PGRMC1: variants seen among roughly 807,000 people sequenced by gnomAD.
PGRMC1 encodes the protein membrane-associated progesterone receptor component 1.
For synonymous variants in PGRMC1, 73 were observed against 77.3 expected (o/e 0.94, Z 0.29); for missense variants, 145 against 169.0 (o/e 0.86, Z 0.79).
At chrX:119,238,522 CAT>C (rs773664252) in intron 1 of PGRMC1, among the ~76,000 whole-genome samples, 2 of 112,235 alleles carry the variant, frequency 1.8e-5, no homozygotes, top group African/African-American at 3.2e-5. Context: ...GGAGTGAAAA[CAT>C]GTGCATGAGG....
At position 119,236,336 on chromosome X, in the gene PGRMC1, G is replaced by C. The variant is rs756946986; in HGVS notation, c.-28G>C. ...GTGGCGAGTTCCGGATCCCTGCCTA[G>C]CGCGGCCCAACCTTTACTCCAGAGA... is the stretch of plus-strand genomic sequence containing the variant. On this transcript the variant is annotated 5_prime_UTR_variant, in exon 1 of 3. Transcript: ENST00000217971. The C allele has an allele frequency of 7.2e-5, 85 of 1,178,677 alleles. No homozygotes were observed. The Admixed American group carries it at 1.8e-3, about 25-fold the overall frequency.
At position 119,243,242 on chromosome X, in the gene PGRMC1, G is replaced by GA; in HGVS notation, c.581dup (p.Asn194LysfsTer2). ...AAGAACCAAAAGATGAGAGTGCCCG[G>GA]AAAAATGATTAAAGCATTCAGTGGA... On this transcript the variant is annotated frameshift_variant, in exon 3 of 3. Transcript: ENST00000217971. LOFTEE classifies it high-confidence loss of function. 8.6e-7 allele frequency: 1 copy of GA among 1,168,545 alleles called. No individual in the cohort carries two copies. The highest frequency in any genetic ancestry group is 1.2e-6 in the Non-Finnish European group (1 of 856,014).
intron 1 of PGRMC1, among the ~76,000 whole-genome samples, chrX:119,238,159 T>C (rs768727815): frequency 9.0e-6 from 1 of 111,613 alleles, no homozygotes; most frequent in South Asian, 3.8e-4. Context: ...CAAAATCAGA[T>C]GTGTTAAGGT....
intron 1 of PGRMC1, among the ~76,000 whole-genome samples, chrX:119,237,865 G>A (rs1257202623): frequency 9.0e-6 from 1 of 111,110 alleles, no homozygotes; most frequent in African/African-American, 3.3e-5. Context: ...CAGTCTAACC[G>A]CCAGAGCTGC....
chrX:119,240,367 C>T lies in PGRMC1; in HGVS notation c.387C>T (p.Cys129=), dbSNP rs754826242. Residue 129 remains cysteine, a synonymous_variant, in exon 2 of 3, where the codon TGC becomes TGT. Transcript: ENST00000217971. Reference sequence around the variant, plus strand: ...CATCCAGGGGCCTTGCCACATTTTGCCTGGATAAGGAAGCACTGAAGGATG... The same window carrying T: ...CATCCAGGGGCCTTGCCACATTTTGTCTGGATAAGGAAGCACTGAAGGATG... ...RDASRGLATF[C]LDKEALKDEY... The T allele has an allele frequency of 1.7e-6, 2 of 1,208,929 alleles. No homozygotes were observed. Among genetic ancestry groups the T allele is most frequent in the Non-Finnish European group, 1.1e-6 (1 of 893,112 alleles).
intron 2 of PGRMC1, among the ~76,000 whole-genome samples, chrX:119,242,127 C>A (rs1398487258): frequency 9.0e-6 from 1 of 111,253 alleles, no homozygotes; most frequent in Non-Finnish European, 1.9e-5. Context: ...TTCATTTCCT[C>A]TCTATACCTT....
Position 119,243,401 on chromosome X carries a change from A to G in PGRMC1, c.*147A>G. On this transcript the variant is annotated 3_prime_UTR_variant, in exon 3 of 3. Coordinates refer to ENST00000217971, the MANE Select transcript of PGRMC1 (RefSeq NM_006667.5). ...TTAATTAACATCACTAGTGACACTA[A>G]TAAAATTAACTTCTTAGAATGCATG... is the stretch of plus-strand genomic sequence containing the variant. The G allele has an allele frequency of 2.1e-6, 1 of 483,309 alleles. No homozygotes were observed. Among genetic ancestry groups the G allele is most frequent in the East Asian group, 3.7e-5 (1 of 27,028 alleles). The allele number at this position is 483,309 out of a possible 1,213,427, so 39.8% of individuals were successfully genotyped here.
chrX:119,243,790 G>T lies in PGRMC1; in HGVS notation c.*536G>T, dbSNP rs774728252. ...TGAAATCTCAAAACAGAGCTCAGCT[G>T]CAAAAAAGCATATTTTCTGTGTTTC... On this transcript the variant is annotated 3_prime_UTR_variant, in exon 3 of 3. Transcript: ENST00000217971. The T allele has an allele frequency of 1.3e-4, 16 of 122,911 alleles. No homozygotes were observed. The South Asian group carries it at 4.5e-3, about 35-fold the overall frequency. 10.1% of individuals were successfully genotyped at this position (122,911 alleles called of 1,213,427 possible). A position where few individuals can be genotyped will look rare whatever the true frequency, so the allele number is the denominator to read the frequency against.
intron 2 of PGRMC1, 107 bp downstream of exon 2, chrX:119,240,571 T>C: frequency 1.6e-6 from 1 of 627,239 alleles, no homozygotes; most frequent in South Asian, 2.5e-5. Context: ...TGCATTTTGA[T>C]AGGCTCCTTA....
At position 119,236,489 on chromosome X, in the gene PGRMC1, C is replaced by T. The variant is rs1357909353; in HGVS notation, c.126C>T (p.Leu42=). The change falls in exon 1 of 3, where the codon CTC becomes CTT. Residue 42 remains leucine, a synonymous_variant. Transcript: ENST00000217971. ...LLLLGLCIFL[L]YKIVRGDQPA... is the part of the protein sequence containing the mutation. ...TGCTTGGCCTCTGCATCTTCCTGCTCTACAAGATCGTGCGCGGGGACCAGC... is the reference window on the plus strand; with the variant it reads ...TGCTTGGCCTCTGCATCTTCCTGCTTTACAAGATCGTGCGCGGGGACCAGC... The T allele has an allele frequency of 1.7e-6, 2 of 1,210,851 alleles. No homozygotes were observed. Among genetic ancestry groups the T allele is most frequent in the Admixed American group, 4.3e-5 (2 of 46,074 alleles).
chrX:119,238,710 A>C (rs139146632), intron 1 of PGRMC1, among the ~76,000 whole-genome samples: 218 of 112,037 alleles, frequency 1.9e-3, no homozygotes, highest in African/African-American at 6.6e-3. Context: ...AAAAGTGATA[A>C]AGATGGCCTA....
In PGRMC1 at chrX:119,236,690, C is replaced by T. The variant is rs1930706579; in HGVS notation, c.327C>T (p.Pro109=). 2 of 1,180,576 alleles carry T rather than the reference C, an allele frequency of 1.7e-6. No individual in the cohort carries two copies. Among genetic ancestry groups the T allele is most frequent in the Non-Finnish European group, 2.3e-6 (2 of 879,001 alleles). The change falls in exon 1 of 3, where the codon CCC becomes CCT. Residue 109 remains proline, a splice_region_variant and synonymous_variant. Transcript: ENST00000217971. Reference sequence around the variant, plus strand: ...CCAAAGGCCGCAAATTCTACGGGCCCGGTACGCGGCCGGCGAGGGGGGCTT... The same window carrying T: ...CCAAAGGCCGCAAATTCTACGGGCCTGGTACGCGGCCGGCGAGGGGGGCTT... ...DVTKGRKFYG[P]EGPYGVFAGR...
At chrX:119,240,543 A>G (rs1930794735) in intron 2 of PGRMC1, 79 bp downstream of exon 2, 1 of 851,177 alleles carries the variant, frequency 1.2e-6, no homozygotes, top group South Asian at 2.1e-5. Flanking sequence ...GTTATTACTA[A>G]GCAGCCTGAA....
At position 119,240,005 on chromosome X, in the gene PGRMC1, A is replaced by G. The variant is rs41294898; in HGVS notation, c.329-304A>G. Among the ~76,000 whole-genome samples, 60 of 112,108 alleles carry G rather than the reference A, an allele frequency of 5.4e-4. No homozygotes were observed. The East Asian group carries it at 0.016, about 29-fold the overall frequency. Reference sequence around the variant, plus strand: ...CAATGTTCTTGTATGATTCCCTACTACCACTACCCCAAGAGATCACTAACC... The same window carrying G: ...CAATGTTCTTGTATGATTCCCTACTGCCACTACCCCAAGAGATCACTAACC... On this transcript the variant is annotated intron_variant, in intron 1 of 2. Coordinates refer to ENST00000217971, the MANE Select transcript of PGRMC1 (RefSeq NM_006667.5).
In PGRMC1 at chrX:119,243,244, A is replaced by G. The variant is rs769358829; in HGVS notation, c.578A>G (p.Lys193Arg). The G allele has an allele frequency of 6.9e-6, 8 of 1,156,135 alleles. No individual in the cohort carries two copies. Among genetic ancestry groups the G allele is most frequent in the Non-Finnish European group, 9.5e-6 (8 of 844,553 alleles). ...GAACCAAAAGATGAGAGTGCCCGGAAAAATGATTAAAGCATTCAGTGGAAG... is the reference window on the plus strand; with the variant it reads ...GAACCAAAAGATGAGAGTGCCCGGAGAAATGATTAAAGCATTCAGTGGAAG... The part of the protein sequence containing the change: ...EEEPKDESAR[K>R]ND Residue 193 changes from lysine to arginine, a missense_variant, in exon 3 of 3, where the codon AAA (lysine) becomes AGA (arginine). Coordinates refer to ENST00000217971, the MANE Select transcript of PGRMC1 (RefSeq NM_006667.5).
chrX:119,240,591 G>A (rs1021571645), intron 2 of PGRMC1, 127 bp downstream of exon 2: 9 of 527,126 alleles, frequency 1.7e-5, no homozygotes, highest in South Asian at 1.5e-4. Flanking sequence ...AATCTTGGAC[G>A]CATCAAGTTC....
rs1313172266 is a variant in PGRMC1, at chrX:119,244,287, G to A, written c.*1033G>A. The A allele has an allele frequency of 1.8e-5, 2 of 112,748 alleles. No individual in the cohort carries two copies. Among genetic ancestry groups the A allele is most frequent in the East Asian group, 5.5e-4 (2 of 3,613 alleles). 9.3% of individuals were successfully genotyped at this position (112,748 alleles called of 1,213,427 possible). On this transcript the variant is annotated 3_prime_UTR_variant, in exon 3 of 3. Transcript: ENST00000217971. ...CTCTTTTGGTTAACACTAAGCTTAA[G>A]TAGACTATACAGTTGTATGAATTTG...
In PGRMC1 at chrX:119,240,361, A is replaced by C. The variant is rs750611231; in HGVS notation, c.381A>C (p.Thr127=). The C allele has an allele frequency of 1.7e-6, 2 of 1,210,103 alleles. No individual in the cohort carries two copies. Among genetic ancestry groups the C allele is most frequent in the Non-Finnish European group, 2.2e-6 (2 of 894,146 alleles). The change falls in exon 2 of 3, where the codon ACA becomes ACC. Residue 127 remains threonine (T), a synonymous_variant. Transcript: ENST00000217971. ...AGRDASRGLA[T]FCLDKEALKD... is the part of the protein sequence containing the mutation. ...GAGATGCATCCAGGGGCCTTGCCAC[A>C]TTTTGCCTGGATAAGGAAGCACTGA...
rs1308984504 is a variant in PGRMC1 at position 119,236,684 on chromosome X, C to T, written c.321C>T (p.Tyr107=). The part of the protein sequence containing the change: ...VFDVTKGRKF[Y]GPEGPYGVFA... ...ATGTGACCAAAGGCCGCAAATTCTA[C>T]GGGCCCGGTACGCGGCCGGCGAGGG... The change falls in exon 1 of 3, where the codon TAC becomes TAT. Residue 107 remains tyrosine (Y), a synonymous_variant. Transcript: ENST00000217971. 8.4e-7 allele frequency: 1 copy of T among 1,189,421 alleles called. No homozygotes were observed. Among genetic ancestry groups the T allele is most frequent in the Admixed American group, 2.3e-5 (1 of 43,846 alleles).
Sources: gnomAD v4.1 joint callset for allele counts (sites outside exome capture counted in the v4.1 genomes callset) on GRCh38, gnomAD v4.1.1 for gene constraint, MANE v1.5 for transcripts, NCBI Gene and HGNC (gene_info 2026-07-23, HGNC 2026-07-21) for gene names.